The following HCN1 variants were observed in gnomAD, a reference collection of about 807,000 sequenced individuals.
HCN1 encodes the protein potassium/sodium hyperpolarization-activated cyclic nucleotide-gated channel 1.
Under a neutral mutation model 78.9 loss-of-function variants are expected in HCN1, and 13 were observed. The observed-to-expected ratio is 0.16, with a 90% CI of 0.11 to 0.26. The LOEUF (loss-of-function observed/expected upper bound fraction) is 0.26. HCN1 is among the 10% of genes least tolerant of loss of function. The pLI is 1.00. For missense variants in HCN1, 810 were observed against 1,154.3 expected (o/e 0.70, Z 4.32); for synonymous variants, 552 against 455.5 (o/e 1.21, Z -2.70).
chr5:45,494,942 C>A (rs1317602359), intron 2 of HCN1, among the ~76,000 whole-genome samples: 1 of 147,836 alleles, frequency 6.8e-6, no homozygotes. Flanking sequence ...GGGCTCTGTT[C>A]TGTTCCATTG....
At chr5:45,664,829 G>A (rs1746002178) in intron 1 of HCN1, among the ~76,000 whole-genome samples, 1 of 151,888 alleles carries the variant, frequency 6.6e-6, no homozygotes, top group Non-Finnish European at 1.5e-5. Context: ...GGAGAAATAG[G>A]AACACTTTTA....
chr5:45,663,384 G>A (rs1333277554), intron 1 of HCN1, among the ~76,000 whole-genome samples: 1 of 135,640 alleles, frequency 7.4e-6, no homozygotes, highest in African/African-American at 2.8e-5. Context: ...TACCATTCAG[G>A]ACATAGGCGT....
chr5:45,638,693 A>C (rs1745399256), intron 2 of HCN1, among the ~76,000 whole-genome samples: 1 of 152,198 alleles, frequency 6.6e-6, no homozygotes, highest in Admixed American at 6.5e-5. Context: ...ACCTGAGGTC[A>C]GGAGTTCAAG....
intron 5 of HCN1, among the ~76,000 whole-genome samples, chr5:45,351,064 C>T (rs1015065947): frequency 3.9e-5 from 6 of 152,106 alleles, no homozygotes; most frequent in African/African-American, 1.4e-4. Context: ...GCCCGCATCA[C>T]CAAGTCAATC....
intron 5 of HCN1, among the ~76,000 whole-genome samples, chr5:45,344,705 T>C (rs1305294324): frequency 6.6e-6 from 1 of 152,224 alleles, no homozygotes; most frequent in East Asian, 1.9e-4. Context: ...GGCATGCTGA[T>C]GCAAGAGGTG....
chr5:45,376,091 TATATA>T (rs1396865863), intron 4 of HCN1, among the ~76,000 whole-genome samples: 1 of 111,134 alleles, frequency 9.0e-6, no homozygotes, highest in Non-Finnish European at 1.6e-5. Flanking sequence ...TATTATATTA[TATATA>T]ATATAATGTT....
At chr5:45,450,124 C>T (rs921234076) in intron 3 of HCN1, among the ~76,000 whole-genome samples, 11 of 152,204 alleles carry the variant, frequency 7.2e-5, no homozygotes, top group Non-Finnish European at 1.6e-4. Flanking sequence ...AGCCACCGCG[C>T]CCAGCCGAAC....
chr5:45,646,808 C>A (rs1259867426), intron 1 of HCN1, among the ~76,000 whole-genome samples: 1 of 152,030 alleles, frequency 6.6e-6, no homozygotes, highest in Non-Finnish European at 1.5e-5. Flanking sequence ...AAAATAAACA[C>A]AACTGTATAA....
At chr5:45,430,466 C>G (rs1159495079) in intron 3 of HCN1, among the ~76,000 whole-genome samples, 1 of 151,748 alleles carries the variant, frequency 6.6e-6, no homozygotes, top group Admixed American at 6.6e-5. Context: ...CAAGTCTGCC[C>G]CAGTGTTTGC....
chr5:45,391,945 GGTAAAA>G (rs1275052744), intron 4 of HCN1, among the ~76,000 whole-genome samples: 1 of 151,998 alleles, frequency 6.6e-6, no homozygotes, highest in African/African-American at 2.4e-5. Context: ...TAGTGAAAGG[GGTAAAA>G]GTATTTAAGG....
At chr5:45,591,984 CTAGA>C (rs756448880) in intron 2 of HCN1, among the ~76,000 whole-genome samples, 1 of 150,824 alleles carries the variant, frequency 6.6e-6, no homozygotes, top group Non-Finnish European at 1.5e-5. Context: ...AAATCTGTGT[CTAGA>C]TAGATTATTT....
chr5:45,613,387 A>G (rs1221108371), intron 2 of HCN1, among the ~76,000 whole-genome samples: 1 of 152,090 alleles, frequency 6.6e-6, no homozygotes, highest in Non-Finnish European at 1.5e-5. Flanking sequence ...GCCACATCAG[A>G]GAAATGCAAA....
At chr5:45,280,150 C>G (rs1036272133) in intron 6 of HCN1, among the ~76,000 whole-genome samples, 10 of 152,060 alleles carry the variant, frequency 6.6e-5, no homozygotes, top group Non-Finnish European at 1.3e-4. Flanking sequence ...TTGTTGAGCA[C>G]TAGCAAAATA....
intron 1 of HCN1, among the ~76,000 whole-genome samples, chr5:45,661,604 A>G (rs1480766002): frequency 2.9e-3 from 34 of 11,630 alleles, no homozygotes; most frequent in African/African-American, 0.012. Flanking sequence ...TAGACACAAT[A>G]AAAAATGATA....
intron 6 of HCN1, among the ~76,000 whole-genome samples, chr5:45,281,737 G>A (rs559063023): frequency 7.0e-4 from 106 of 151,556 alleles, no homozygotes; most frequent in African/African-American, 1.4e-3. Context: ...ACAGGTGCCC[G>A]CCACCACGCC....
At chr5:45,364,776 G>A (rs887918185) in intron 4 of HCN1, among the ~76,000 whole-genome samples, 2 of 151,996 alleles carry the variant, frequency 1.3e-5, no homozygotes, top group Non-Finnish European at 2.9e-5. Flanking sequence ...TGAGAATTTT[G>A]TTAACATGAA....
chr5:45,425,026 G>A (rs894804975), intron 3 of HCN1, among the ~76,000 whole-genome samples: 14 of 152,102 alleles, frequency 9.2e-5, no homozygotes, highest in Admixed American at 7.2e-4. Flanking sequence ...TAATTAAACC[G>A]GAGAAAATGG....
rs373592031 is a variant in HCN1 at position 45,675,461 on chromosome 5, G to A, written c.425+20208C>T. ...ATCCAAAAGCCAAAACCCAAATGTG[G>A]TTTGAGCCTATCATCTAAATTCTCT... is the stretch of plus-strand genomic sequence containing the variant. On this transcript the variant is annotated intron_variant, in intron 1 of 7. Transcript: ENST00000303230. Among the ~76,000 whole-genome samples, 7 of 151,904 alleles carry A rather than the reference G, an allele frequency of 4.6e-5. No homozygotes were observed. The East Asian group carries it at 1.2e-3, about 25-fold the overall frequency.
chr5:45,529,849 G>A (rs1309565204), intron 2 of HCN1, among the ~76,000 whole-genome samples: 2 of 151,812 alleles, frequency 1.3e-5, no homozygotes, highest in Admixed American at 6.6e-5. Context: ...TCAAAACTGG[G>A]TTTATCTTTA....
Sources: allele counts gnomAD v4.1 joint callset (sites outside exome capture counted in the v4.1 genomes callset), GRCh38; gene constraint gnomAD v4.1.1; transcripts MANE v1.5; gene names NCBI Gene and HGNC (gene_info 2026-07-23, HGNC 2026-07-21).